The following TRIP12 variants were observed in gnomAD, a reference collection of about 807,000 sequenced individuals.
The protein encoded by TRIP12 is thyroid hormone receptor interactor 12.
In TRIP12, 25 loss-of-function variants were observed where a neutral mutation model predicts 244.2. The observed-to-expected ratio is 0.10, with a 90% CI of 0.07 to 0.14. TRIP12 has a LOEUF of 0.14. TRIP12 is among the 10% of genes least tolerant of loss of function. The probability of loss-of-function intolerance (pLI) is 1.00; values close to 1 mark genes in which losing one functional copy is unlikely to be tolerated. For synonymous variants in TRIP12, 905 were observed against 873.1 expected (o/e 1.04, Z -0.64); for missense variants, 1,677 against 2,486.4 (o/e 0.67, Z 6.92).
chr2:229,828,101 T>G (rs1489442946), intron 8 of TRIP12, among the ~76,000 whole-genome samples: 1 of 152,218 alleles, frequency 6.6e-6, no homozygotes, highest in African/African-American at 2.4e-5. Context: ...CTGTATATAA[T>G]GCCTGGGATT....
chr2:229,835,235 A>G (rs962746498), intron 6 of TRIP12, among the ~76,000 whole-genome samples: 1 of 152,210 alleles, frequency 6.6e-6, no homozygotes, highest in Non-Finnish European at 1.5e-5. Flanking sequence ...TGTATTTTTT[A>G]TCACCAGCTA....
intron 16 of TRIP12, 53 bp from the exon 17 acceptor site, chr2:229,807,917 G>T: frequency 5.3e-6 from 8 of 1,517,702 alleles, no homozygotes; most frequent in Non-Finnish European, 7.1e-6. Context: ...ATTAGTAAAC[G>T]TTAGGTCTCT....
chr2:229,847,306 A>G (rs2057762985), intron 4 of TRIP12, among the ~76,000 whole-genome samples: 1 of 152,250 alleles, frequency 6.6e-6, no homozygotes, highest in South Asian at 2.1e-4. Context: ...ATGAAATTTA[A>G]CGGACATCAA....
At chr2:229,855,603 T>TA (rs1166000961) in intron 4 of TRIP12, among the ~76,000 whole-genome samples, 2,869 of 88,036 alleles carry the variant, frequency 0.033, 39 homozygotes, top group African/African-American at 0.067. Context: ...AACAAGGGTT[T>TA]AAAAAAAAAA....
intron 37 of TRIP12, 33 bp downstream of exon 37, chr2:229,777,282 C>T (rs536833061): frequency 4.4e-6 from 7 of 1,587,674 alleles, no homozygotes; most frequent in Non-Finnish European, 6.0e-6. Flanking sequence ...AAAATAAAGA[C>T]TTGATCTACT....
chr2:229,858,067 T>C (rs1279617120), intron 4 of TRIP12, among the ~76,000 whole-genome samples: 3 of 152,104 alleles, frequency 2.0e-5, no homozygotes, highest in Non-Finnish European at 4.4e-5. Context: ...ATATCTCATA[T>C]AAAAAAATAT....
intron 1 of TRIP12, among the ~76,000 whole-genome samples, chr2:229,881,611 A>G (rs1247329591): frequency 6.6e-6 from 1 of 152,216 alleles, no homozygotes; most frequent in Admixed American, 6.5e-5. Flanking sequence ...AATATAATAA[A>G]CTTTAATTAG....
At chr2:229,876,382 G>A (rs1011063303) in intron 2 of TRIP12, among the ~76,000 whole-genome samples, 2 of 152,112 alleles carry the variant, frequency 1.3e-5, no homozygotes, top group African/African-American at 2.4e-5. Context: ...AAGCCAAGAC[G>A]GCAAAATGAT....
Position 229,859,229 on chromosome 2 carries a change from T to C in TRIP12, c.570A>G (p.Lys190=). The stretch of plus-strand genomic sequence containing the variant: ...CACAAGAACTCTCTGTCCTTTTTCT[T>C]TTCTGACTCCGTGAACCGCCAGTGG... ...SGATGGSRSQ[K]RKRTESSCVK... is the part of the protein sequence containing the mutation. The change falls in exon 4 of 42, where the codon AAA becomes AAG. Residue 190 remains lysine (K), a synonymous_variant. Coordinates refer to ENST00000675903, the MANE Select transcript of TRIP12 (RefSeq NM_001348323.3). 4 of 1,614,206 alleles carry C rather than the reference T, an allele frequency of 2.5e-6. No homozygotes were observed. Among genetic ancestry groups the C allele is most frequent in the Non-Finnish European group, 2.5e-6 (3 of 1,180,040 alleles).
At chr2:229,790,893 A>G (rs985974000) in intron 30 of TRIP12, among the ~76,000 whole-genome samples, 31 of 53,194 alleles carry the variant, frequency 5.8e-4, no homozygotes, top group Admixed American at 2.7e-3. Context: ...TGAACTGGGA[A>G]TAAGTTTTTT....
intron 4 of TRIP12, among the ~76,000 whole-genome samples, chr2:229,849,271 G>A (rs978178942): frequency 2.0e-5 from 3 of 152,298 alleles, no homozygotes; most frequent in Admixed American, 6.5e-5. Context: ...GTTCCTTTAC[G>A]TGGCTCAGTG....
chr2:229,767,023 T>G lies in TRIP12; in HGVS notation c.*531A>C, dbSNP rs1426243068. 1 of 151,360 alleles carries G rather than the reference T, an allele frequency of 6.6e-6. No homozygotes were observed. The highest frequency in any genetic ancestry group is 1.5e-5 in the Non-Finnish European group (1 of 67,920). The allele number at this position is 151,360 out of a possible 1,614,324, so 9.4% of individuals were successfully genotyped here. Reference sequence around the variant, plus strand: ...TGTGAGTTGTATACAAAAAAAAAACTGTGAGCTGCACAGATAATAATGAAT... The same window carrying G: ...TGTGAGTTGTATACAAAAAAAAAACGGTGAGCTGCACAGATAATAATGAAT... On this transcript the variant is annotated 3_prime_UTR_variant, in exon 42 of 42. Transcript: ENST00000675903.
chr2:229,814,219 G>A lies in TRIP12; in HGVS notation c.1824+14C>T, dbSNP rs748537979. On this transcript the variant is annotated intron_variant, in intron 12 of 41. Transcript: ENST00000675903. ...ATAAAGTGAAATGTAGTCCCCTTCA[G>A]TAACAACACTTACCGCCTGTAGAAT... 3 of 1,613,196 alleles carry A rather than the reference G, an allele frequency of 1.9e-6. No homozygotes were observed. Among genetic ancestry groups the A allele is most frequent in the Non-Finnish European group, 2.5e-6 (3 of 1,179,322 alleles).
At chr2:229,895,522 C>A (rs2068569786) in intron 1 of TRIP12, among the ~76,000 whole-genome samples, 1 of 146,036 alleles carries the variant, frequency 6.8e-6, no homozygotes, top group Non-Finnish European at 1.5e-5. Context: ...GACATCTAAA[C>A]CCAGACATGT....
chr2:229,792,357 T>C, intron 27 of TRIP12, 131 bp from the exon 28 acceptor site: 1 of 897,928 alleles, frequency 1.1e-6, no homozygotes, highest in Non-Finnish European at 1.7e-6. Context: ...CTGAAATGCT[T>C]GAGCCCAGAA....
At chr2:229,865,342 AAG>A (rs1491051391) in intron 2 of TRIP12, among the ~76,000 whole-genome samples, 31 of 26,892 alleles carry the variant, frequency 1.2e-3, no homozygotes, top group African/African-American at 3.7e-3. Flanking sequence ...AAAAAAAAAA[AAG>A]AAAGAAAGAA....
rs1217606682 is a variant in TRIP12, at chr2:229,808,304, C to G, written c.2287G>C (p.Asp763His). ...TCTTGAGGGCTTCGTGGAACAAGAT[C>G]AATCTGTTCCTGACAACTTCCATTG... Reference protein sequence around the residue: ...ASNGSCQEQIDLVPRSPQELY... With the variant: ...ASNGSCQEQIHLVPRSPQELY... The change falls in exon 16 of 42, where the codon GAT (aspartate) becomes CAT (histidine). Residue 763 changes from aspartate (D) to histidine (H), a missense_variant. Around this residue, in one of 11 missense-constraint regions of TRIP12, gnomAD observed 572 missense variants for 867.8 expected, o/e 0.66. Transcript: ENST00000675903. 6.2e-7 allele frequency: 1 copy of G among 1,613,926 alleles called. No individual in the cohort carries two copies. The highest frequency in any genetic ancestry group is 8.5e-7 in the Non-Finnish European group (1 of 1,179,968).
At chr2:229,772,312 C>T (rs761016911) in intron 38 of TRIP12, among the ~76,000 whole-genome samples, 17 of 152,038 alleles carry the variant, frequency 1.1e-4, no homozygotes, top group Non-Finnish European at 2.2e-4. Context: ...TTGAGATAAC[C>T]TTAATCTAAA....
chr2:229,776,919 C>T (rs2036438564), intron 37 of TRIP12, among the ~76,000 whole-genome samples: 1 of 152,144 alleles, frequency 6.6e-6, no homozygotes, highest in Non-Finnish European at 1.5e-5. Flanking sequence ...AAAATATCTT[C>T]CTGAGATCTC....
Sources: allele counts gnomAD v4.1 joint callset (sites outside exome capture counted in the v4.1 genomes callset), GRCh38; gene constraint gnomAD v4.1.1; regional missense constraint gnomAD v4.1.1; transcripts MANE v1.5; gene names NCBI Gene and HGNC (gene_info 2026-07-23, HGNC 2026-07-21).